PTPRD: variants seen among roughly 807,000 people sequenced by gnomAD.
PTPRD encodes receptor-type tyrosine-protein phosphatase delta.
Under a neutral mutation model 214.5 loss-of-function variants are expected in PTPRD, and 34 were observed. The ratio of observed to expected loss-of-function variants is 0.16; its 90% CI spans 0.12 to 0.21. The LOEUF (loss-of-function observed/expected upper bound fraction) is 0.21, where lower values mean the gene tolerates loss of function less well. Ranked by LOEUF, PTPRD falls within the 10% of genes least tolerant of loss-of-function variation. PTPRD has a pLI of 1.00. For missense variants in PTPRD, 2,545 were observed against 2,398.7 expected (o/e 1.06, Z -1.27); for synonymous variants, 1,128 against 845.7 (o/e 1.33, Z -5.79).
chr9:8,560,057 A>C (rs1053095580), intron 14 of PTPRD, among the ~76,000 whole-genome samples: 1 of 152,214 alleles, frequency 6.6e-6, no homozygotes, highest in African/African-American at 2.4e-5. Context: ...GCAGAACATC[A>C]AGGGAGAAGT....
intron 5 of PTPRD, among the ~76,000 whole-genome samples, chr9:9,807,331 A>G (rs2045774693): frequency 6.6e-6 from 1 of 152,140 alleles, no homozygotes; most frequent in Non-Finnish European, 1.5e-5. Flanking sequence ...TTGTTAACAC[A>G]TGCAAGCACA....
At position 9,449,341 on chromosome 9, in the gene PTPRD, T is replaced by A. The variant is rs76803146; in HGVS notation, c.-236-51859A>T. On this transcript the variant is annotated intron_variant, in intron 8 of 45. Coordinates refer to ENST00000381196, the MANE Select transcript of PTPRD (RefSeq NM_002839.4). The stretch of plus-strand genomic sequence containing the variant: ...CAAACATTATTAACAGATTGCCTAA[T>A]GAATAAGGCAATTCTCCATCTTGTA... Among the ~76,000 whole-genome samples the A allele has an allele frequency of 2.6e-3, 392 of 152,236 alleles. 1 individual carries two copies. The highest frequency in any genetic ancestry group is 4.6e-3 in the Non-Finnish European group (313 of 67,996).
intron 5 of PTPRD, among the ~76,000 whole-genome samples, chr9:9,879,016 G>T (rs577694782): frequency 6.6e-6 from 1 of 152,066 alleles, no homozygotes; most frequent in Non-Finnish European, 1.5e-5. Flanking sequence ...CCTCAAAATA[G>T]ATTATTTTAT....
intron 36 of PTPRD, among the ~76,000 whole-genome samples, chr9:8,402,831 C>T (rs1039892957): frequency 1.7e-4 from 26 of 151,712 alleles, no homozygotes; most frequent in African/African-American, 6.3e-4. Flanking sequence ...TATGCCTGAT[C>T]TAGTATTGGT....
At chr9:10,296,402 T>G (rs1335242072) in intron 3 of PTPRD, among the ~76,000 whole-genome samples, 5 of 152,058 alleles carry the variant, frequency 3.3e-5, no homozygotes, top group Non-Finnish European at 4.4e-5. Context: ...ATCCAAGAAC[T>G]GAGACTCACC....
intron 11 of PTPRD, among the ~76,000 whole-genome samples, chr9:8,903,857 T>C (rs1019955): frequency 0.14 from 21,864 of 151,322 alleles, 1,789 homozygotes; most frequent in East Asian, 0.28. Flanking sequence ...GACTTAAATA[T>C]TGTTTTATGT....
At chr9:10,610,671 T>C (rs1432547390) in intron 2 of PTPRD, among the ~76,000 whole-genome samples, 1 of 152,146 alleles carries the variant, frequency 6.6e-6, no homozygotes, top group Admixed American at 6.6e-5. Context: ...AGAGCAGTAA[T>C]ATGTCTAAGA....
intron 9 of PTPRD, among the ~76,000 whole-genome samples, chr9:9,206,980 T>C (rs747223153): frequency 1.2e-4 from 19 of 152,164 alleles, no homozygotes; most frequent in Non-Finnish European, 1.8e-4. Flanking sequence ...AATACAAAGC[T>C]ATTGTAATAA....
intron 3 of PTPRD, among the ~76,000 whole-genome samples, chr9:10,278,162 C>CAAAAAAAAAAAA (rs1564968775): frequency 6.8e-6 from 1 of 146,052 alleles, no homozygotes; most frequent in African/African-American, 2.5e-5. Flanking sequence ...TCTCAAAAAA[C>CAAAAAAAAAAAA]AAAACAAAAC....
intron 5 of PTPRD, among the ~76,000 whole-genome samples, chr9:9,919,670 T>A (rs1483567965): frequency 1.3e-5 from 2 of 152,158 alleles, no homozygotes; most frequent in African/African-American, 2.4e-5. Context: ...GCTTAATGAT[T>A]TGCATTTTAA....
intron 2 of PTPRD, among the ~76,000 whole-genome samples, chr9:10,603,506 A>C (rs1308158282): frequency 6.6e-6 from 1 of 151,882 alleles, no homozygotes; most frequent in Non-Finnish European, 1.5e-5. Context: ...TGTAGCATTT[A>C]CCTTCCGTAC....
At chr9:10,134,498 G>C (rs2098927788) in intron 3 of PTPRD, among the ~76,000 whole-genome samples, 1 of 152,074 alleles carries the variant, frequency 6.6e-6, no homozygotes, top group African/African-American at 2.4e-5. Context: ...TTGTTCTTAA[G>C]TGCTGCCTAC....
chr9:8,854,000 AT>A (rs1566630498), intron 11 of PTPRD, among the ~76,000 whole-genome samples: 1 of 152,292 alleles, frequency 6.6e-6, no homozygotes, highest in South Asian at 2.1e-4. Flanking sequence ...AAAGTAAAGC[AT>A]TTTTTGAATA....
At chr9:9,524,860 T>C (rs2073671841) in intron 8 of PTPRD, among the ~76,000 whole-genome samples, 1 of 152,188 alleles carries the variant, frequency 6.6e-6, no homozygotes, top group African/African-American at 2.4e-5. Flanking sequence ...CTTGTTTGTT[T>C]GTTTGTTTGT....
intron 5 of PTPRD, among the ~76,000 whole-genome samples, chr9:9,900,645 T>TTTTTTTTGTTTTTTTTTG (rs1267090151): frequency 7.3e-5 from 9 of 124,042 alleles, no homozygotes; most frequent in African/African-American, 2.1e-4. Context: ...TTTCAGGTTT[T>TTTTTTTTGTTTTTTTTTG]TTTTTTTTTT....
rs112521942 is a variant in PTPRD at position 10,456,739 on chromosome 9, C to G, written c.-599-115722G>C. ...TCTCTTACAGGCAATGCAATGGAAA[C>G]ACATTTGTAGTCTATTTTATACTTC... On this transcript the variant is annotated intron_variant, in intron 2 of 45. Coordinates refer to ENST00000381196, the MANE Select transcript of PTPRD (RefSeq NM_002839.4). 2.0e-3 allele frequency among the ~76,000 whole-genome samples: 310 copies of G among 151,964 alleles called. 1 individual carries two copies. Among genetic ancestry groups the G allele is most frequent in the African/African-American group, 6.7e-3 (279 of 41,516 alleles).
intron 3 of PTPRD, among the ~76,000 whole-genome samples, chr9:10,183,294 A>C (rs1005914833): frequency 3.3e-5 from 5 of 152,170 alleles, no homozygotes; most frequent in African/African-American, 1.2e-4. Flanking sequence ...AGGCAGGAGA[A>C]AAGAAGACAA....
At chr9:8,704,756 T>C (rs1034187047) in intron 12 of PTPRD, among the ~76,000 whole-genome samples, 1 of 115,508 alleles carries the variant, frequency 8.7e-6, no homozygotes, top group Non-Finnish European at 1.9e-5. Context: ...CTACTAAAAA[T>C]ACAAAAAAAA....
chr9:9,003,885 C>A (rs1353796647), intron 11 of PTPRD, among the ~76,000 whole-genome samples: 1 of 152,068 alleles, frequency 6.6e-6, no homozygotes, highest in Non-Finnish European at 1.5e-5. Context: ...CATGACAATG[C>A]ATCAACTTTC....
Sources: allele counts gnomAD v4.1 joint callset (sites outside exome capture counted in the v4.1 genomes callset), GRCh38; gene constraint gnomAD v4.1.1; transcripts MANE v1.5; gene names NCBI Gene and HGNC (gene_info 2026-07-23, HGNC 2026-07-21).